KCNT2: variants seen among roughly 807,000 people sequenced by gnomAD.
KCNT2 encodes the protein potassium sodium-activated channel subfamily T member 2, also known as potassium channel subfamily T member 2.
KCNT2 carries 67 observed loss-of-function variants against 153.8 expected under a neutral mutation model. That is an observed-to-expected ratio of 0.44 (90% CI 0.36 to 0.53). The LOEUF (loss-of-function observed/expected upper bound fraction) is 0.53, where lower values mean the gene tolerates loss of function less well. Among genes scored for constraint, KCNT2 ranks in the 20% least tolerant of loss-of-function variants. The pLI is 0.00. For missense variants in KCNT2, 975 were observed against 1,354.8 expected (o/e 0.72, Z 4.40); for synonymous variants, 500 against 458.8 (o/e 1.09, Z -1.15).
intron 1 of KCNT2, among the ~76,000 whole-genome samples, chr1:196,566,608 G>T (rs1192514587): frequency 6.6e-6 from 1 of 151,858 alleles, no homozygotes; most frequent in Non-Finnish European, 1.5e-5. Flanking sequence ...TGGACAAAAA[G>T]GAAAATTTTA....
chr1:196,391,253 C>G (rs1432247628), intron 13 of KCNT2, among the ~76,000 whole-genome samples: 3 of 151,274 alleles, frequency 2.0e-5, no homozygotes, highest in East Asian at 1.9e-4. Context: ...GGAATTGACA[C>G]CTATTACATC....
rs148538841 is a variant in KCNT2 at position 196,510,117 on chromosome 1, G to A, written c.96-17776C>T. On this transcript the variant is annotated intron_variant, in intron 1 of 27. Coordinates refer to ENST00000294725, the MANE Select transcript of KCNT2 (RefSeq NM_198503.5). ...ATATAGTACACTCAGGGAAGTAAAA[G>A]GAATTAAAATGGCTAGAACAAAGGG... Among the ~76,000 whole-genome samples, 379 of 152,106 alleles carry A rather than the reference G, an allele frequency of 2.5e-3. 10 individuals carry two copies. Among genetic ancestry groups the A allele is most frequent in the Non-Finnish European group, 3.5e-4 (24 of 67,984 alleles).
At chr1:196,281,847 C>T (rs1320844980) in intron 24 of KCNT2, among the ~76,000 whole-genome samples, 1 of 151,710 alleles carries the variant, frequency 6.6e-6, no homozygotes, top group African/African-American at 2.4e-5. Flanking sequence ...AGCTCTGCCC[C>T]CTGGGTTCAC....
At chr1:196,356,893 G>A (rs1667218652) in intron 14 of KCNT2, among the ~76,000 whole-genome samples, 1 of 151,700 alleles carries the variant, frequency 6.6e-6, no homozygotes, top group African/African-American at 2.4e-5. Flanking sequence ...AAAAAATGCT[G>A]ACACCATGTT....
intron 7 of KCNT2, among the ~76,000 whole-genome samples, chr1:196,466,093 T>C (rs997885991): frequency 6.6e-6 from 1 of 152,014 alleles, no homozygotes; most frequent in Non-Finnish European, 1.5e-5. Flanking sequence ...CGAAAAGAGA[T>C]ATGGAAATAA....
rs547951110 is a variant in KCNT2, at chr1:196,534,467, T to C, written c.96-42126A>G. Among the ~76,000 whole-genome samples, 7 of 152,264 alleles carry C rather than the reference T, an allele frequency of 4.6e-5. No individual in the cohort carries two copies. The South Asian group carries it at 1.4e-3, about 32-fold the overall frequency. The stretch of plus-strand genomic sequence containing the variant: ...ATTTGCTAGAGTTGGGGAGACTAAT[T>C]ACTTGAGCTGAAACAGAAATGCTTA... On this transcript the variant is annotated intron_variant, in intron 1 of 27. Transcript: ENST00000294725.
chr1:196,283,206 G>A (rs528300060), intron 23 of KCNT2, among the ~76,000 whole-genome samples: 28 of 152,284 alleles, frequency 1.8e-4, no homozygotes, highest in African/African-American at 6.0e-4. Flanking sequence ...CACTCTGGGA[G>A]GCCCAGCACT....
chr1:196,476,327 C>T, intron 5 of KCNT2, among the ~76,000 whole-genome samples: 1 of 151,986 alleles, frequency 6.6e-6, no homozygotes, highest in East Asian at 1.9e-4. Flanking sequence ...TATATGTATG[C>T]ATGTATATTA....
Position 196,463,295 on chromosome 1 carries a change from T to C in KCNT2, c.638+1998A>G, listed in dbSNP as rs145235315. Among the ~76,000 whole-genome samples the C allele has an allele frequency of 6.1e-3, 928 of 151,972 alleles. 10 individuals carry two copies. The highest frequency in any genetic ancestry group is 0.021 in the African/African-American group (880 of 41,520). ...ATAACATTGTTTATATGTTTCTTGGTAATTAGACCTTTGATGTTGAACTTG... is the reference window on the plus strand; with the variant it reads ...ATAACATTGTTTATATGTTTCTTGGCAATTAGACCTTTGATGTTGAACTTG... On this transcript the variant is annotated intron_variant, in intron 8 of 27. Transcript: ENST00000294725.
intron 22 of KCNT2, among the ~76,000 whole-genome samples, chr1:196,289,434 C>G (rs1659982848): frequency 6.6e-6 from 1 of 152,104 alleles, no homozygotes; most frequent in Non-Finnish European, 1.5e-5. Flanking sequence ...GTTACTTACA[C>G]AATGCCTAAC....
chr1:196,464,629 A>C (rs1370480708), intron 8 of KCNT2, among the ~76,000 whole-genome samples: 4 of 151,792 alleles, frequency 2.6e-5, no homozygotes, highest in African/African-American at 9.7e-5. Context: ...AAAACATATT[A>C]TTCTACCTCA....
intron 14 of KCNT2, among the ~76,000 whole-genome samples, chr1:196,358,614 T>C (rs1474006334): frequency 6.6e-6 from 1 of 151,988 alleles, no homozygotes. Context: ...ATGTACTTTG[T>C]TTTCACTTAC....
At chr1:196,370,120 T>G (rs1263876909) in intron 14 of KCNT2, among the ~76,000 whole-genome samples, 1 of 152,128 alleles carries the variant, frequency 6.6e-6, no homozygotes, top group African/African-American at 2.4e-5. Flanking sequence ...ACACTGTTGG[T>G]GGGACTGTAA....
intron 14 of KCNT2, 77 bp downstream of exon 14, chr1:196,373,063 T>C: frequency 2.8e-6 from 2 of 724,986 alleles, no homozygotes; most frequent in Non-Finnish European, 4.9e-6. Flanking sequence ...AGGCCTTCTA[T>C]ATTTTTAAAT....
chr1:196,513,336 C>T (rs1299401027), intron 1 of KCNT2, among the ~76,000 whole-genome samples: 2 of 152,186 alleles, frequency 1.3e-5, no homozygotes, highest in Non-Finnish European at 2.9e-5. Flanking sequence ...CAACTATCAG[C>T]ATGCAGAGGT....
intron 23 of KCNT2, among the ~76,000 whole-genome samples, chr1:196,284,248 A>AAAAAAAAATATATATATATATATATATAT: frequency 1.0e-4 from 1 of 10,048 alleles, no homozygotes; most frequent in African/African-American, 1.4e-4. Context: ...AAAAAAAAAA[A>AAAAAAAAATATATATATATATATATATAT]ATATATATAT....
chr1:196,300,631 C>A (rs191211294), intron 22 of KCNT2, among the ~76,000 whole-genome samples: 16 of 152,154 alleles, frequency 1.1e-4, no homozygotes, highest in African/African-American at 3.6e-4. Context: ...ACCATGATAC[C>A]CCCTTTGTCC....
chr1:196,402,724 G>C (rs1671523505), intron 12 of KCNT2, among the ~76,000 whole-genome samples: 1 of 151,372 alleles, frequency 6.6e-6, no homozygotes. Context: ...CAAAGATGTA[G>C]ATAGCAAGAA....
chr1:196,338,979 A>G (rs1199148862), intron 16 of KCNT2, among the ~76,000 whole-genome samples: 1 of 149,142 alleles, frequency 6.7e-6, no homozygotes, highest in African/African-American at 2.5e-5. Flanking sequence ...AAAAAAGGAG[A>G]AGGAGAAAAA....
Sources: allele counts gnomAD v4.1 joint callset (sites outside exome capture counted in the v4.1 genomes callset), GRCh38; gene constraint gnomAD v4.1.1; transcripts MANE v1.5; gene names NCBI Gene and HGNC (gene_info 2026-07-23, HGNC 2026-07-21).